The following NR6A1 variants were observed in gnomAD, a reference collection of about 807,000 sequenced individuals.
NR6A1 encodes retinoic acid receptor-related testis-associated receptor.
Under a neutral mutation model 59.1 loss-of-function variants are expected in NR6A1, and 7 were observed. The ratio of observed to expected loss-of-function variants is 0.12; its 90% CI spans 0.07 to 0.22. The LOEUF (loss-of-function observed/expected upper bound fraction) is 0.22, where lower values mean the gene tolerates loss of function less well. Ranked by LOEUF, NR6A1 falls within the 10% of genes least tolerant of loss-of-function variation. NR6A1 has a pLI of 1.00. For synonymous variants in NR6A1, 243 were observed against 236.1 expected, an observed-to-expected ratio of 1.03 and a Z score of -0.27; for missense variants, 468 against 611.6, an observed-to-expected ratio of 0.77 and a Z score of 2.48.
At chr9:124,692,943 G>T (rs914784814) in intron 2 of NR6A1, among the ~76,000 whole-genome samples, 1 of 152,118 alleles carries the variant, frequency 6.6e-6, no homozygotes, top group Non-Finnish European at 1.5e-5. Context: ...GCAAGGGGAG[G>T]ATTTAATAAG....
At chr9:124,656,955 G>C (rs1029008668) in intron 2 of NR6A1, among the ~76,000 whole-genome samples, 1 of 152,154 alleles carries the variant, frequency 6.6e-6, no homozygotes, top group African/African-American at 2.4e-5. Context: ...TTTGCAAGAG[G>C]AGAAGAGTTC....
chr9:124,538,208 T>C lies in NR6A1; in HGVS notation c.708A>G (p.Ser236=), dbSNP rs1421598245. 1.9e-6 allele frequency: 3 copies of C among 1,613,990 alleles called. No individual in the cohort carries two copies. The highest frequency in any genetic ancestry group is 2.5e-6 in the Non-Finnish European group (3 of 1,180,020). Residue 236 remains serine, a synonymous_variant, in exon 6 of 10, where the codon TCA becomes TCG. Coordinates refer to ENST00000487099, the MANE Select transcript of NR6A1 (RefSeq NM_033334.4). ...IPHLFSYSGH[S]PLLPQQARSL... is the part of the protein sequence containing the mutation. The stretch of plus-strand genomic sequence containing the variant: ...TGCGAGCTTGTTGGGGCAGAAGTGG[T>C]GAGTGGCCAGAATAGCTAAAAAGGT...
At chr9:124,564,248 A>G (rs1316639462) in intron 2 of NR6A1, among the ~76,000 whole-genome samples, 1 of 152,224 alleles carries the variant, frequency 6.6e-6, no homozygotes, top group Non-Finnish European at 1.5e-5. Context: ...ACCTATACCA[A>G]CAATCACACT....
In NR6A1 at chr9:124,762,168, T is replaced by C. The variant is rs79604502; in HGVS notation, c.100+8852A>G. 4.0e-3 allele frequency among the ~76,000 whole-genome samples: 613 copies of C among 152,334 alleles called. 2 individuals are homozygous for C. The highest frequency in any genetic ancestry group is 5.9e-3 in the Non-Finnish European group (398 of 68,014). The stretch of plus-strand genomic sequence containing the variant: ...CCTGAGTGTTCTTCAGGATCCCTTT[T>C]ACACTCTTAAAAATTATGAAGGACC... On this transcript the variant is annotated intron_variant, in intron 1 of 9. Transcript: ENST00000487099.
intron 1 of NR6A1, among the ~76,000 whole-genome samples, chr9:124,735,237 T>C (rs766307576): frequency 3.3e-5 from 5 of 152,218 alleles, no homozygotes; most frequent in Non-Finnish European, 7.3e-5. Context: ...TCCTCCTCCA[T>C]TTGGTAAAAA....
intron 2 of NR6A1, among the ~76,000 whole-genome samples, chr9:124,686,703 T>C (rs1838342156): frequency 6.7e-6 from 1 of 148,226 alleles, no homozygotes; most frequent in Non-Finnish European, 1.5e-5. Context: ...TCTTTAAAAG[T>C]CTTTTTTTTT....
chr9:124,685,113 C>T, intron 2 of NR6A1, among the ~76,000 whole-genome samples: 1 of 152,164 alleles, frequency 6.6e-6, no homozygotes, highest in East Asian at 1.9e-4. Flanking sequence ...CTTCATTTCC[C>T]TTCTAAATCT....
At chr9:124,671,793 T>C (rs1837802152) in intron 2 of NR6A1, among the ~76,000 whole-genome samples, 2 of 152,236 alleles carry the variant, frequency 1.3e-5, no homozygotes, top group African/African-American at 4.8e-5. Context: ...ACCCAGTTGC[T>C]GTCTAGCTTT....
chr9:124,621,480 C>G (rs1588715574), intron 2 of NR6A1, among the ~76,000 whole-genome samples: 1 of 98,472 alleles, frequency 1.0e-5, no homozygotes, highest in African/African-American at 4.3e-5. Flanking sequence ...GACCCAATAT[C>G]TTTAAAAAAA....
chr9:124,573,383 G>T (rs1316531378), intron 2 of NR6A1, among the ~76,000 whole-genome samples: 1 of 152,106 alleles, frequency 6.6e-6, no homozygotes, highest in African/African-American at 2.4e-5. Context: ...CTACATAACA[G>T]CTTGGACTAT....
chr9:124,580,369 G>C (rs201644050), intron 2 of NR6A1, among the ~76,000 whole-genome samples: 1 of 152,138 alleles, frequency 6.6e-6, no homozygotes, highest in Non-Finnish European at 1.5e-5. Flanking sequence ...ATCTGTAGCT[G>C]CTGTGGGTTA....
rs1832751853 is a variant in NR6A1 at position 124,519,482 on chromosome 9, T to C, written c.*3223A>G. On this transcript the variant is annotated 3_prime_UTR_variant, in exon 10 of 10. Transcript: ENST00000487099. ...GAATAAGTTCCAAGATGCCAAACTT[T>C]TGTCTTGGGACAAGAAAACATCAAA... 1 of 152,208 alleles carries C rather than the reference T, an allele frequency of 6.6e-6. No homozygotes were observed. Among genetic ancestry groups the C allele is most frequent in the Admixed American group, 6.5e-5 (1 of 15,290 alleles). The allele number at this position is 152,208 out of a possible 1,614,324, so 9.4% of individuals were successfully genotyped here.
intron 2 of NR6A1, among the ~76,000 whole-genome samples, chr9:124,697,779 G>A (rs949434628): frequency 6.6e-6 from 1 of 152,056 alleles, no homozygotes; most frequent in African/African-American, 2.4e-5. Context: ...GAAGAGCTTG[G>A]GCTAAATGAG....
rs79383104 is a variant in NR6A1, at chr9:124,518,757, GT to G, written c.*3947del. The G allele has an allele frequency of 8.3e-3, 1,164 of 139,776 alleles. 7 individuals are homozygous for G. The highest frequency in any genetic ancestry group is 0.021 in the African/African-American group (804 of 38,372). 8.7% of individuals were successfully genotyped at this position (139,776 alleles called of 1,614,324 possible). The stretch of plus-strand genomic sequence containing the variant: ...TTGTTAAATTTTGTTTGTTTTTTGG[GT>G]TTTTTTTTTTTTTACTTTAAAAAAA... On this transcript the variant is annotated 3_prime_UTR_variant, in exon 10 of 10. Transcript: ENST00000487099.
chr9:124,752,162 G>A lies in NR6A1; in HGVS notation c.101-18813C>T, dbSNP rs529565860. Among the ~76,000 whole-genome samples, 43 of 152,158 alleles carry A rather than the reference G, an allele frequency of 2.8e-4. No individual in the cohort carries two copies. The South Asian group carries it at 8.5e-3, about 30-fold the overall frequency. On this transcript the variant is annotated intron_variant, in intron 1 of 9. Transcript: ENST00000487099. Reference sequence around the variant, plus strand: ...CATGCACCTGTAATCCTGGCTACTCGGGCTCCTGAAGCATGAGAATGGCTT... The same window carrying A: ...CATGCACCTGTAATCCTGGCTACTCAGGCTCCTGAAGCATGAGAATGGCTT...
At chr9:124,671,960 C>T (rs1837805541) in intron 2 of NR6A1, among the ~76,000 whole-genome samples, 1 of 152,176 alleles carries the variant, frequency 6.6e-6, no homozygotes. Flanking sequence ...TTGTGCCCTC[C>T]AGCTATTTTA....
intron 2 of NR6A1, among the ~76,000 whole-genome samples, chr9:124,680,951 T>C (rs1838134252): frequency 6.6e-6 from 1 of 152,246 alleles, no homozygotes; most frequent in Non-Finnish European, 1.5e-5. Context: ...CAGTAGTCAC[T>C]GTATTTGTCA....
intron 1 of NR6A1, among the ~76,000 whole-genome samples, chr9:124,764,981 G>T (rs1015770549): frequency 5.3e-5 from 8 of 152,182 alleles, no homozygotes; most frequent in Admixed American, 2.0e-4. Context: ...TCCAGAAACA[G>T]AAAAATATAC....
intron 2 of NR6A1, among the ~76,000 whole-genome samples, chr9:124,594,246 A>G (rs1218764329): frequency 6.6e-6 from 1 of 152,208 alleles, no homozygotes; most frequent in African/African-American, 2.4e-5. Flanking sequence ...TTATTTTATG[A>G]AAGTTCTTGT....
Sources: gnomAD v4.1 joint callset for allele counts (sites outside exome capture counted in the v4.1 genomes callset) on GRCh38, gnomAD v4.1.1 for gene constraint, MANE v1.5 for transcripts, NCBI Gene and HGNC (gene_info 2026-07-23, HGNC 2026-07-21) for gene names.